Variants in CFAP92 observed in about 807,000 individuals in gnomAD.
CFAP92 encodes uncharacterized protein CFAP92.
Under a neutral mutation model 106.3 loss-of-function variants are expected in CFAP92, and 86 were observed. The ratio of observed to expected loss-of-function variants is 0.81; its 90% confidence interval spans 0.68 to 0.97. The LOEUF is 0.97. CFAP92 is among the 50% of genes least tolerant of loss of function. The pLI is 0.00. For missense variants in CFAP92, 1,204 were observed against 1,283.8 expected, an observed-to-expected ratio of 0.94 and a Z score of 0.95; for synonymous variants, 477 against 506.4, an observed-to-expected ratio of 0.94 and a Z score of 0.78.
At chr3:128,981,350 A>G (rs1943524048) in intron 4 of CFAP92, among the ~76,000 whole-genome samples, 1 of 135,426 alleles carries the variant, frequency 7.4e-6, no homozygotes, top group South Asian at 2.3e-4. Flanking sequence ...TTTGTTTTTG[A>G]GATGCAGTCT....
chr3:128,952,135 TC>T (rs1200306075), intron 9 of CFAP92, among the ~76,000 whole-genome samples: 9 of 129,158 alleles, frequency 7.0e-5, no homozygotes, highest in Non-Finnish European at 1.1e-4. Flanking sequence ...TTCTTCTTCT[TC>T]TTTTTTTTTT....
chr3:128,942,796 C>T (rs1485445143), intron 10 of CFAP92, among the ~76,000 whole-genome samples: 1 of 151,934 alleles, frequency 6.6e-6, no homozygotes, highest in Admixed American at 6.6e-5. Flanking sequence ...GCCTCAGCCT[C>T]CCAAGTTCCC....
At position 128,975,851 on chromosome 3, in the gene CFAP92, C is replaced by T. The variant is rs1339823776; in HGVS notation, c.949G>A (p.Glu317Lys). ...TCACTCTCAATTAATTCCTTGATCT[C>T]CATCATGCTTGCTCCTGCCAAAGAA... ...TISLAGASMM[E>K]IKELIESESL... Residue 317 changes from glutamate (E) to lysine (K), a missense_variant, in exon 7 of 16, where the codon GAG becomes AAG. Physicochemically the swap from Glu to Lys is moderately conservative, Grantham distance 56. Coordinates refer to ENST00000645291, the MANE Select transcript of CFAP92 (RefSeq NM_001394090.1). 1 of 1,610,258 alleles carries T rather than the reference C, an allele frequency of 6.2e-7. No individual in the cohort carries two copies. The highest frequency in any genetic ancestry group is 1.3e-5 in the African/African-American group (1 of 74,836).
chr3:128,950,958 C>T (rs1940720342), intron 9 of CFAP92, among the ~76,000 whole-genome samples: 1 of 152,206 alleles, frequency 6.6e-6, no homozygotes, highest in Non-Finnish European at 1.5e-5. Context: ...ATATACCAGC[C>T]TGGGTCAACT....
At chr3:129,003,536 A>T (rs942629332), upstream of CFAP92, among the ~76,000 whole-genome samples, 1 of 150,640 alleles carries the variant, frequency 6.6e-6, no homozygotes, top group African/African-American at 2.4e-5. Flanking sequence ...GTCGTGTCTC[A>T]GTTTCCTTCA....
At chr3:128,929,531 A>G (rs1938099489) in intron 12 of CFAP92, among the ~76,000 whole-genome samples, 1 of 152,258 alleles carries the variant, frequency 6.6e-6, no homozygotes, top group African/African-American at 2.4e-5. Flanking sequence ...AGTAATTCCA[A>G]AAAGTGGTGA....
At chr3:129,001,127 G>T (rs1224336919) in intron 1 of CFAP92, among the ~76,000 whole-genome samples, 18 of 152,246 alleles carry the variant, frequency 1.2e-4, no homozygotes, top group Admixed American at 1.2e-3. Flanking sequence ...GTGACGCTTG[G>T]GTGTGGGGGC....
At chr3:128,986,498 G>A (rs1313347793) in intron 4 of CFAP92, among the ~76,000 whole-genome samples, 4 of 152,090 alleles carry the variant, frequency 2.6e-5, no homozygotes. Flanking sequence ...TGGGATTACA[G>A]GCATGAGCCA....
chr3:128,959,924 C>T (rs961415969), intron 9 of CFAP92, among the ~76,000 whole-genome samples: 1 of 152,178 alleles, frequency 6.6e-6, no homozygotes, highest in Non-Finnish European at 1.5e-5. Flanking sequence ...ATAAAAACAG[C>T]CTTAACTGAT....
intron 10 of CFAP92, among the ~76,000 whole-genome samples, chr3:128,942,986 TCTCA>T (rs1195472314): frequency 2.1e-5 from 3 of 141,418 alleles, no homozygotes; most frequent in Non-Finnish European, 4.5e-5. Flanking sequence ...AGTGGCGCGA[TCTCA>T]CTCACTGCAA....
intron 10 of CFAP92, among the ~76,000 whole-genome samples, chr3:128,938,519 A>C (rs1302369081): frequency 1.4e-5 from 2 of 142,056 alleles, no homozygotes; most frequent in Non-Finnish European, 3.0e-5. Context: ...TAAGAGATGG[A>C]GTCTCGCTCT....
chr3:128,910,017 C>T lies in CFAP92; in HGVS notation c.*282G>A, dbSNP rs2107664237. On this transcript the variant is annotated 3_prime_UTR_variant, in exon 16 of 16. Coordinates refer to ENST00000645291, the MANE Select transcript of CFAP92 (RefSeq NM_001394090.1). ...GTCCCCACTTGGAGCCTCTGTGATC[C>T]CAGACCATCATGGAGGAGCAGCTGG... The T allele has an allele frequency of 6.2e-7, 1 of 1,613,346 alleles. No homozygotes were observed. The highest frequency in any genetic ancestry group is 2.2e-5 in the East Asian group (1 of 44,874).
intron 1 of CFAP92, among the ~76,000 whole-genome samples, chr3:128,999,531 CTTTTTTT>C (rs5852556): frequency 8.4e-5 from 6 of 71,596 alleles, no homozygotes; most frequent in Non-Finnish European, 1.5e-4. Flanking sequence ...AAATCAGGTT[CTTTTTTT>C]TTTTTTTTTT....
chr3:128,991,732 G>T, intron 2 of CFAP92: 1 of 1,013,330 alleles, frequency 9.9e-7, no homozygotes, highest in South Asian at 3.4e-5. Flanking sequence ...GCTCCACACC[G>T]CCTCGTGTTG....
chr3:129,018,128 A>G, the CFAP92 span, among the ~76,000 whole-genome samples: 1 of 152,210 alleles, frequency 6.6e-6, no homozygotes, highest in African/African-American at 2.4e-5. Flanking sequence ...ATAACCTAAT[A>G]GGATTAGTTA....
intron 1 of CFAP92, chr3:129,002,290 T>G: frequency 6.5e-7 from 1 of 1,527,224 alleles, no homozygotes; most frequent in Non-Finnish European, 8.7e-7. Flanking sequence ...CGCGCCGCGC[T>G]GCAGAGCAGT....
the CFAP92 span, among the ~76,000 whole-genome samples, chr3:129,008,043 G>A: frequency 6.6e-6 from 1 of 152,200 alleles, no homozygotes; most frequent in Non-Finnish European, 1.5e-5. Flanking sequence ...ATCCTTGAGA[G>A]TCACACATAG....
chr3:128,946,676 T>C (rs1940251059), intron 9 of CFAP92, among the ~76,000 whole-genome samples: 1 of 152,176 alleles, frequency 6.6e-6, no homozygotes, highest in Non-Finnish European at 1.5e-5. Context: ...GGATTGGCGG[T>C]GCTCCCAGAG....
At chr3:129,010,182 G>A in the CFAP92 span, among the ~76,000 whole-genome samples, 1 of 152,362 alleles carries the variant, frequency 6.6e-6, no homozygotes, top group East Asian at 1.9e-4. The surrounding 1 kb of genome is among the most constrained non-coding windows in gnomAD (Gnocchi z 4.3). Context: ...TGCCTTGAGG[G>A]GTCCCCCTTC....
Sources: allele counts gnomAD v4.1 joint callset (sites outside exome capture counted in the v4.1 genomes callset), GRCh38; gene constraint gnomAD v4.1.1; non-coding constraint Gnocchi (gnomAD v3.1); transcripts MANE v1.5; gene names NCBI Gene and HGNC (gene_info 2026-07-23, HGNC 2026-07-21).